TMEM26: variants seen among roughly 807,000 people sequenced by gnomAD.
The protein encoded by TMEM26 is transmembrane protein 26.
In TMEM26, 38 loss-of-function variants were observed where a neutral mutation model predicts 28.8. The ratio of observed to expected loss-of-function variants is 1.32; its 90% confidence interval spans 1.02 to 1.73. TMEM26 has a LOEUF of 1.73. TMEM26 is among the 40% of genes most tolerant of loss of function. The pLI is 0.00. For synonymous variants in TMEM26, 227 were observed against 182.9 expected (o/e 1.24, Z -1.95); for missense variants, 518 against 447.1 (o/e 1.16, Z -1.43).
chr10:61,448,224 A>G (rs1840218222), intron 1 of TMEM26, among the ~76,000 whole-genome samples: 1 of 152,190 alleles, frequency 6.6e-6, no homozygotes, highest in Non-Finnish European at 1.5e-5. Flanking sequence ...GCTCTCACCC[A>G]TTCTTCCTGT....
At chr10:61,438,180 T>C (rs899339312) in intron 1 of TMEM26, among the ~76,000 whole-genome samples, 2 of 152,158 alleles carry the variant, frequency 1.3e-5, no homozygotes, top group Non-Finnish European at 2.9e-5. Flanking sequence ...TTTGATTTCC[T>C]GCAAAAGCCA....
chr10:61,415,679 C>T (rs768515333), intron 4 of TMEM26, among the ~76,000 whole-genome samples: 1 of 152,022 alleles, frequency 6.6e-6, no homozygotes, highest in African/African-American at 2.4e-5. Flanking sequence ...TTGGACATTA[C>T]ATTATATTAT....
intron 4 of TMEM26, among the ~76,000 whole-genome samples, chr10:61,422,636 G>A (rs1283763059): frequency 6.6e-6 from 1 of 151,978 alleles, no homozygotes; most frequent in Non-Finnish European, 1.5e-5. Context: ...CAAATTTCTG[G>A]GTGCAGGCAA....
chr10:61,412,250 G>A (rs1839579747), intron 5 of TMEM26, among the ~76,000 whole-genome samples: 1 of 148,586 alleles, frequency 6.7e-6, no homozygotes, highest in South Asian at 2.1e-4. Flanking sequence ...GACAAAATCT[G>A]TGTGTGTGTG....
chr10:61,443,485 G>C (rs1006813218), intron 1 of TMEM26, among the ~76,000 whole-genome samples: 3 of 149,910 alleles, frequency 2.0e-5, no homozygotes, highest in Non-Finnish European at 3.0e-5. Flanking sequence ...AAAGTGCCAA[G>C]ATCGGTGGAT....
At chr10:61,444,134 T>C (rs913068333) in intron 1 of TMEM26, among the ~76,000 whole-genome samples, 39 of 152,236 alleles carry the variant, frequency 2.6e-4, no homozygotes, top group Admixed American at 1.8e-3. Flanking sequence ...TGATTGTATC[T>C]TGATTCTGCA....
At chr10:61,412,723 C>G (rs1839587018) in intron 5 of TMEM26, among the ~76,000 whole-genome samples, 1 of 152,088 alleles carries the variant, frequency 6.6e-6, no homozygotes, top group South Asian at 2.1e-4. Context: ...CAACTGAGCA[C>G]TTGAAAGGTG....
chr10:61,441,297 T>G (rs1353096226), intron 1 of TMEM26, among the ~76,000 whole-genome samples: 1 of 152,224 alleles, frequency 6.6e-6, no homozygotes, highest in African/African-American at 2.4e-5. Flanking sequence ...AAAAATTTCT[T>G]CTTGAAATGT....
intron 2 of TMEM26, among the ~76,000 whole-genome samples, chr10:61,435,457 G>A (rs1012650076): frequency 1.3e-5 from 2 of 152,092 alleles, no homozygotes; most frequent in African/African-American, 4.8e-5. Context: ...GTGATTATAG[G>A]CATGAGCCAC....
chr10:61,445,120 G>A (rs1474453519), intron 1 of TMEM26, among the ~76,000 whole-genome samples: 4 of 152,202 alleles, frequency 2.6e-5, no homozygotes, highest in Admixed American at 1.3e-4. Flanking sequence ...CATGAGATAA[G>A]GGAAAGAAAG....
At chr10:61,449,920 C>G (rs1012048723) in intron 1 of TMEM26, among the ~76,000 whole-genome samples, 1 of 152,014 alleles carries the variant, frequency 6.6e-6, no homozygotes, top group Non-Finnish European at 1.5e-5. Flanking sequence ...AACTCTATAA[C>G]TTTAGTGTCC....
intron 4 of TMEM26, chr10:61,414,061 T>G (rs992412786): frequency 1.2e-5 from 12 of 986,192 alleles, no homozygotes; most frequent in Non-Finnish European, 6.0e-6. Flanking sequence ...TTATACCAGA[T>G]AGTAGGACAT....
At chr10:61,425,564 A>C (rs1376203479) in intron 4 of TMEM26, among the ~76,000 whole-genome samples, 2 of 152,190 alleles carry the variant, frequency 1.3e-5, no homozygotes, top group Non-Finnish European at 1.5e-5. Flanking sequence ...GACTTGTATC[A>C]AGGATATATA....
intron 5 of TMEM26, 123 bp from the exon 6 acceptor site, chr10:61,410,869 A>T: frequency 9.8e-7 from 1 of 1,017,052 alleles, no homozygotes; most frequent in Non-Finnish European, 1.4e-6. Context: ...ATTTAATTAC[A>T]GGATGGAAAT....
At chr10:61,440,097 G>A (rs1589041603) in intron 1 of TMEM26, among the ~76,000 whole-genome samples, 1 of 152,090 alleles carries the variant, frequency 6.6e-6, no homozygotes, top group African/African-American at 2.4e-5. Context: ...AAAATTAGTC[G>A]GGCATGGTGG....
rs918704982 is a variant in TMEM26 at position 61,411,154 on chromosome 10, C to T, written c.683-408G>A. On this transcript the variant is annotated intron_variant, in intron 5 of 5. Coordinates refer to ENST00000399298, the MANE Select transcript of TMEM26 (RefSeq NM_178505.8). ...TAAGGAAGCCTCACAGTTGCATGCT[C>T]AAGGCCTCAAGTCAGGAAGCATGAC... Among the ~76,000 whole-genome samples, 193 of 152,290 alleles carry T rather than the reference C, an allele frequency of 1.3e-3. 2 individuals are homozygous for T. The highest frequency in any genetic ancestry group is 1.5e-4 in the Non-Finnish European group (10 of 68,034).
chr10:61,410,955 A>G (rs1271402848), intron 5 of TMEM26, among the ~76,000 whole-genome samples: 1 of 152,234 alleles, frequency 6.6e-6, no homozygotes, highest in African/African-American at 2.4e-5. Flanking sequence ...GCATCCACAT[A>G]GAAAATGTAA....
chr10:61,442,063 G>A (rs528387225), intron 1 of TMEM26, among the ~76,000 whole-genome samples: 368 of 151,510 alleles, frequency 2.4e-3, no homozygotes, highest in African/African-American at 8.4e-3. Flanking sequence ...TATGAAATAT[G>A]TATATATATA....
chr10:61,442,381 A>G (rs1048869148), intron 1 of TMEM26, among the ~76,000 whole-genome samples: 5 of 152,166 alleles, frequency 3.3e-5, no homozygotes, highest in African/African-American at 1.2e-4. Flanking sequence ...TTAACAAATA[A>G]CAGTATAAGT....
Sources: gnomAD v4.1 joint callset for allele counts (sites outside exome capture counted in the v4.1 genomes callset) on GRCh38, gnomAD v4.1.1 for gene constraint, MANE v1.5 for transcripts, NCBI Gene and HGNC (gene_info 2026-07-23, HGNC 2026-07-21) for gene names.